MAPK10: variants seen among roughly 807,000 people sequenced by gnomAD.
MAPK10 encodes mitogen-activated protein kinase 10.
Under a neutral mutation model 59.3 loss-of-function variants are expected in MAPK10, and 25 were observed. The ratio of observed to expected loss-of-function variants is 0.42; its 90% CI spans 0.31 to 0.59. The LOEUF is 0.59. MAPK10 is among the 20% of genes least tolerant of loss of function. The probability of loss-of-function intolerance (pLI) is 0.15; values close to 1 mark genes in which losing one functional copy is unlikely to be tolerated. For missense variants in MAPK10, 351 were observed against 568.9 expected, an observed-to-expected ratio of 0.62 and a Z score of 3.90; for synonymous variants, 190 against 200.5, an observed-to-expected ratio of 0.95 and a Z score of 0.44.
rs538433956 is a variant in MAPK10, at chr4:86,169,094, T to C, written c.67-9627A>G. ...ACCATCATCAAAGACCAAAAGTAGATAAAACCACAAAGATGGGGAAAAAAC... is the reference window on the plus strand; with the variant it reads ...ACCATCATCAAAGACCAAAAGTAGACAAAACCACAAAGATGGGGAAAAAAC... On this transcript the variant is annotated intron_variant, in intron 3 of 13. Coordinates refer to ENST00000641462, the MANE Select transcript of MAPK10 (RefSeq NM_138982.4). Among the ~76,000 whole-genome samples the C allele has an allele frequency of 5.6e-3, 854 of 151,734 alleles. 9 individuals carry two copies. The highest frequency in any genetic ancestry group is 0.02 in the African/African-American group (816 of 41,350).
At chr4:86,198,159 T>C (rs2081822712) in intron 2 of MAPK10, among the ~76,000 whole-genome samples, 1 of 152,170 alleles carries the variant, frequency 6.6e-6, no homozygotes. Flanking sequence ...ACCATCTTGC[T>C]AAGGATGATT....
intron 1 of MAPK10, chr4:86,452,891 C>CT (rs1038823860): frequency 1.3e-5 from 2 of 152,158 alleles, no homozygotes; most frequent in African/African-American, 4.8e-5. Flanking sequence ...CTAAAGGGTC[C>CT]TGCAGGACCC....
chr4:86,585,273 T>A (rs1001839927), intron 1 of MAPK10, among the ~76,000 whole-genome samples: 2 of 152,226 alleles, frequency 1.3e-5, no homozygotes, highest in Non-Finnish European at 2.9e-5. Context: ...AAAAATGAAA[T>A]TGAATGCTAT....
intron 1 of MAPK10, among the ~76,000 whole-genome samples, chr4:86,435,025 T>A (rs1748527848): frequency 6.6e-6 from 1 of 152,066 alleles, no homozygotes; most frequent in Non-Finnish European, 1.5e-5. Context: ...TTACATTAAG[T>A]GAAATAAGCC....
At chr4:86,290,787 T>C (rs2148820405) in intron 2 of MAPK10, among the ~76,000 whole-genome samples, 1 of 152,310 alleles carries the variant, frequency 6.6e-6, no homozygotes, top group African/African-American at 2.4e-5. Context: ...TTGACCTTTT[T>C]CCTTTCATTT....
intron 4 of MAPK10, among the ~76,000 whole-genome samples, chr4:86,115,636 T>G (rs1384029551): frequency 6.6e-6 from 1 of 151,562 alleles, no homozygotes; most frequent in Non-Finnish European, 1.5e-5. Flanking sequence ...TTATTTTGTA[T>G]TTTTAGTAGA....
At chr4:86,365,111 C>T (rs867972019) in intron 1 of MAPK10, among the ~76,000 whole-genome samples, 1 of 152,134 alleles carries the variant, frequency 6.6e-6, no homozygotes, top group African/African-American at 2.4e-5. Flanking sequence ...TCATTTGGCA[C>T]TTACCGTATT....
At chr4:86,047,672 G>T (rs145767365) in intron 11 of MAPK10, among the ~76,000 whole-genome samples, 2 of 152,122 alleles carry the variant, frequency 1.3e-5, no homozygotes, top group Admixed American at 6.6e-5. Flanking sequence ...ACTTGTACAC[G>T]CATGCTGGGT....
chr4:86,288,761 C>T (rs2095117796), intron 2 of MAPK10, among the ~76,000 whole-genome samples: 1 of 152,012 alleles, frequency 6.6e-6, no homozygotes. Context: ...AAAATAACTT[C>T]TCATTAGATA....
chr4:86,512,314 C>T (rs1052749602), intron 1 of MAPK10, among the ~76,000 whole-genome samples: 1 of 152,146 alleles, frequency 6.6e-6, no homozygotes, highest in African/African-American at 2.4e-5. Flanking sequence ...TCTACTTTCT[C>T]TTTATAACAG....
intron 2 of MAPK10, among the ~76,000 whole-genome samples, chr4:86,333,520 C>T (rs908897880): frequency 6.6e-6 from 1 of 152,166 alleles, no homozygotes; most frequent in African/African-American, 2.4e-5. Context: ...TTATAAATGG[C>T]AAATGTCACT....
intron 1 of MAPK10, among the ~76,000 whole-genome samples, chr4:86,375,027 A>C (rs1232754437): frequency 6.6e-6 from 1 of 152,200 alleles, no homozygotes; most frequent in Admixed American, 6.5e-5. Context: ...CTGCTCTTTC[A>C]TGGAGCTCAA....
intron 11 of MAPK10, among the ~76,000 whole-genome samples, chr4:86,048,753 T>C (rs2042971038): frequency 6.6e-6 from 1 of 152,086 alleles, no homozygotes; most frequent in South Asian, 2.1e-4. Context: ...TTAAGGAAAA[T>C]TGATTTGAGT....
At chr4:86,396,859 C>T (rs4693145) in intron 1 of MAPK10, among the ~76,000 whole-genome samples, 26,772 of 152,124 alleles carry the variant, frequency 0.18, 2,484 homozygotes, top group South Asian at 0.28. Context: ...ACGGGAATAA[C>T]ATTTCAACAT....
chr4:86,429,984 A>C (rs997484595), intron 1 of MAPK10, among the ~76,000 whole-genome samples: 2 of 152,302 alleles, frequency 1.3e-5, no homozygotes, highest in East Asian at 3.9e-4. Context: ...TATGGCTCAG[A>C]CCATTGAAGT....
At chr4:86,535,084 TC>T (rs1758129526) in intron 1 of MAPK10, among the ~76,000 whole-genome samples, 1 of 152,138 alleles carries the variant, frequency 6.6e-6, no homozygotes, top group Non-Finnish European at 1.5e-5. Flanking sequence ...CAGATTCATG[TC>T]CATCTATATA....
At chr4:86,313,456 A>G (rs539699276) in intron 2 of MAPK10, among the ~76,000 whole-genome samples, 5 of 152,140 alleles carry the variant, frequency 3.3e-5, no homozygotes, top group Admixed American at 3.3e-4. Context: ...AAGACCAGAC[A>G]TGGAAAGATG....
chr4:86,068,102 C>G lies in MAPK10; in HGVS notation c.803-147G>C, dbSNP rs535661351. 4.0e-4 allele frequency: 205 copies of G among 514,272 alleles called. 1 individual carries two copies. Among genetic ancestry groups the G allele is most frequent in the Admixed American group, 4.5e-4 (13 of 28,874 alleles). 31.9% of individuals were successfully genotyped at this position (514,272 alleles called of 1,614,324 possible). On this transcript the variant is annotated intron_variant, in intron 9 of 13. Coordinates refer to ENST00000641462, the MANE Select transcript of MAPK10 (RefSeq NM_138982.4). ...CAAAGAATGAAAATATAAAATCAGACTTGCAGGCTATGAGTCTTCTTGAAA... is the reference window on the plus strand; with the variant it reads ...CAAAGAATGAAAATATAAAATCAGAGTTGCAGGCTATGAGTCTTCTTGAAA...
chr4:86,448,033 T>G (rs754812736), intron 1 of MAPK10, among the ~76,000 whole-genome samples: 1 of 152,194 alleles, frequency 6.6e-6, no homozygotes, highest in African/African-American at 2.4e-5. Context: ...ATGAAAATAA[T>G]AATGGTTCCT....
Sources: allele counts gnomAD v4.1 joint callset (sites outside exome capture counted in the v4.1 genomes callset), GRCh38; gene constraint gnomAD v4.1.1; transcripts MANE v1.5; gene names NCBI Gene and HGNC (gene_info 2026-07-23, HGNC 2026-07-21).